RREB1: variants seen among roughly 807,000 people sequenced by gnomAD.
RREB1 encodes ras responsive element binding protein 1, also known as ras-responsive element-binding protein 1.
RREB1 carries 27 observed loss-of-function variants against 117.8 expected under a neutral mutation model. That is an observed-to-expected ratio of 0.23 (90% CI 0.17 to 0.32). The LOEUF is 0.32. RREB1 is among the 10% of genes least tolerant of loss of function. The pLI is 1.00. For missense variants in RREB1, 2,577 were observed against 2,378.2 expected, an observed-to-expected ratio of 1.08 and a Z score of -1.74; for synonymous variants, 1,298 against 1,026.7, an observed-to-expected ratio of 1.26 and a Z score of -5.05.
At chr6:7,219,598 T>C (rs1297039618) in intron 8 of RREB1, among the ~76,000 whole-genome samples, 2 of 152,186 alleles carry the variant, frequency 1.3e-5, no homozygotes, top group Non-Finnish European at 2.9e-5. Flanking sequence ...GCTGTGCCCT[T>C]TCCAGCCCAG....
chr6:7,117,388 GTTTTTTTTTTTTTTTTTTTTTTTTTT>G (rs70978941), intron 1 of RREB1, among the ~76,000 whole-genome samples: 5 of 63,294 alleles, frequency 7.9e-5, no homozygotes, highest in Admixed American at 4.4e-4. Context: ...TAGGTTTCCT[GTTTTTTTTTTTTTTTTTTTTTTTTTT>G]TTTTTTTTTT....
At chr6:7,109,124 T>A (rs1179791596) in intron 1 of RREB1, among the ~76,000 whole-genome samples, 2 of 151,568 alleles carry the variant, frequency 1.3e-5, no homozygotes, top group East Asian at 2.0e-4. Flanking sequence ...CGCCCAGCTG[T>A]GGAGCGCGCT....
chr6:7,221,708 G>A (rs1258692986), intron 8 of RREB1, among the ~76,000 whole-genome samples: 2 of 152,212 alleles, frequency 1.3e-5, no homozygotes, highest in Non-Finnish European at 1.5e-5. Flanking sequence ...TCAGGAGGCA[G>A]GTGAAGGGAG....
intron 1 of RREB1, among the ~76,000 whole-genome samples, chr6:7,109,707 C>A (rs1303506713): frequency 6.6e-6 from 1 of 152,338 alleles, no homozygotes; most frequent in African/African-American, 2.4e-5. Context: ...GGAGATAGAA[C>A]GTGAGCCCAG....
At chr6:7,244,959 A>G (rs1768917501) in intron 11 of RREB1, among the ~76,000 whole-genome samples, 1 of 152,208 alleles carries the variant, frequency 6.6e-6, no homozygotes, top group Non-Finnish European at 1.5e-5. Flanking sequence ...TCAAGTGAGA[A>G]TCCAGGTTAG....
intron 8 of RREB1, chr6:7,216,950 C>G (rs561734001): frequency 6.6e-6 from 1 of 152,440 alleles, no homozygotes; most frequent in African/African-American, 2.4e-5. Flanking sequence ...TGTGAAGTCC[C>G]TCAGACTCTG....
intron 4 of RREB1, among the ~76,000 whole-genome samples, chr6:7,185,501 C>T (rs553076703): frequency 2.0e-5 from 3 of 151,988 alleles, no homozygotes; most frequent in South Asian, 2.1e-4. Context: ...ACCCGGGAGG[C>T]GGAGGTTGCA....
chr6:7,226,778 T>C (rs1767611698), intron 9 of RREB1, 122 bp downstream of exon 9: 1 of 756,282 alleles, frequency 1.3e-6, no homozygotes, highest in African/African-American at 1.7e-5. Context: ...CTTTGTCTTT[T>C]TTTGTAACAC....
intron 1 of RREB1, among the ~76,000 whole-genome samples, chr6:7,146,242 C>A (rs963485776): frequency 3.9e-5 from 6 of 152,178 alleles, no homozygotes; most frequent in Non-Finnish European, 5.9e-5. Flanking sequence ...CCATCTGTTT[C>A]TAGAGCAGTC....
At position 7,230,055 on chromosome 6, in the gene RREB1, T is replaced by C; in HGVS notation, c.1956T>C (p.Phe652=). The part of the protein sequence containing the change: ...LYPCRFCNQV[F]AFSGVLRAHV... The stretch of plus-strand genomic sequence containing the variant: ...CCTGCCGCTTCTGCAACCAGGTGTT[T>C]GCCTTCTCGGGGGTCTTGCGTGCCC... The change falls in exon 10 of 13, where the codon TTT becomes TTC. Residue 652 remains phenylalanine, a synonymous_variant. Coordinates refer to ENST00000379938, the MANE Select transcript of RREB1 (RefSeq NM_001003699.4). 6.2e-7 allele frequency: 1 copy of C among 1,608,274 alleles called. No individual in the cohort carries two copies. The highest frequency in any genetic ancestry group is 8.5e-7 in the Non-Finnish European group (1 of 1,176,098).
At chr6:7,214,285 C>T (rs2113627248) in intron 8 of RREB1, 1 of 152,386 alleles carries the variant, frequency 6.6e-6, no homozygotes, top group Admixed American at 6.5e-5. Context: ...ACTAATAATG[C>T]CCTGTGTTTG....
At chr6:7,209,360 C>T (rs1766455153) in intron 6 of RREB1, among the ~76,000 whole-genome samples, 1 of 152,232 alleles carries the variant, frequency 6.6e-6, no homozygotes, top group South Asian at 2.1e-4. Context: ...TTAAAATGAG[C>T]ATTTCTAAAA....
intron 1 of RREB1, among the ~76,000 whole-genome samples, chr6:7,159,123 A>C (rs969040215): frequency 5.9e-5 from 9 of 152,186 alleles, no homozygotes; most frequent in African/African-American, 2.2e-4. Context: ...ACTCAGATTT[A>C]ATGATTGTTG....
At position 7,248,690 on chromosome 6, in the gene RREB1, G is replaced by A. The variant is rs768297303; in HGVS notation, c.4951G>A (p.Ala1651Thr). 4.0e-5 allele frequency: 64 copies of A among 1,614,040 alleles called. No homozygotes were observed. In the Admixed American group the frequency reaches 5.5e-4, roughly 14 times the overall value. ...TGAGTCCACCCACAGCGGCAACAACGCCGTCTCAGAGAACGAGGCTGAGCT... is the reference window on the plus strand; with the variant it reads ...TGAGTCCACCCACAGCGGCAACAACACCGTCTCAGAGAACGAGGCTGAGCT... ...ENESTHSGNN[A>T]VSENEAELAP... Residue 1651 changes from alanine to threonine, a missense_variant, in exon 13 of 13, where the codon GCC becomes ACC. By Grantham distance (58) the Ala-to-Thr change is moderately conservative. Transcript: ENST00000379938.
At chr6:7,238,286 A>G (rs1458041927) in intron 10 of RREB1, among the ~76,000 whole-genome samples, 2 of 152,196 alleles carry the variant, frequency 1.3e-5, no homozygotes, top group Non-Finnish European at 2.9e-5. Context: ...CGCCCAGGCT[A>G]GAGTGCAGTG....
chr6:7,239,603 C>A (rs999383779), intron 10 of RREB1, among the ~76,000 whole-genome samples: 1 of 152,218 alleles, frequency 6.6e-6, no homozygotes, highest in Non-Finnish European at 1.5e-5. Flanking sequence ...CTCAGTGGCT[C>A]ACCCATCTGT....
chr6:7,131,935 T>C (rs1291863879), intron 1 of RREB1, among the ~76,000 whole-genome samples: 1 of 152,080 alleles, frequency 6.6e-6, no homozygotes, highest in East Asian at 1.9e-4. Context: ...CTTGGCTCAC[T>C]GCGACCTTCA....
intron 1 of RREB1, among the ~76,000 whole-genome samples, chr6:7,152,020 C>T (rs921838907): frequency 2.0e-5 from 3 of 152,152 alleles, no homozygotes; most frequent in African/African-American, 7.2e-5. Flanking sequence ...CTATATTTCC[C>T]TTGTAGGTAC....
At chr6:7,131,852 C>T (rs1207568998) in intron 1 of RREB1, among the ~76,000 whole-genome samples, 4 of 151,796 alleles carry the variant, frequency 2.6e-5, no homozygotes, top group Admixed American at 6.6e-5. Context: ...ATAGGTTAAG[C>T]TCCTTGAGGA....
Sources: allele counts gnomAD v4.1 joint callset (sites outside exome capture counted in the v4.1 genomes callset), GRCh38; gene constraint gnomAD v4.1.1; transcripts MANE v1.5; gene names NCBI Gene and HGNC (gene_info 2026-07-23, HGNC 2026-07-21).